Variants in DQX1 observed in about 807,000 individuals in gnomAD.
DQX1 encodes DEAQ-box RNA dependent ATPase 1.
A neutral mutation model predicts 81.3 loss-of-function variants in DQX1; 66 were observed. The observed-to-expected ratio is 0.81, with a 90% confidence interval of 0.67 to 1.00. The LOEUF (loss-of-function observed/expected upper bound fraction) is 1.00, where lower values mean the gene tolerates loss of function less well. DQX1 is among the 50% of genes least tolerant of loss of function. The pLI is 0.00. For synonymous variants in DQX1, 290 were observed against 350.0 expected, an observed-to-expected ratio of 0.83 and a Z score of 1.91; for missense variants, 798 against 867.9, an observed-to-expected ratio of 0.92 and a Z score of 1.01.
chr2:74,525,488 CA>C lies in DQX1; in HGVS notation c.237+4del. 10 of 1,551,982 alleles carry C rather than the reference CA, an allele frequency of 6.4e-6. No homozygotes were observed. Among genetic ancestry groups the C allele is most frequent in the Non-Finnish European group, 8.7e-6 (10 of 1,147,068 alleles). ...ATCTGCCTGCCCCCACAACCCCCACCACACCTGGGTGCTCTTGCCAGAACCA... is the reference window on the plus strand; with the variant it reads ...ATCTGCCTGCCCCCACAACCCCCACCCACCTGGGTGCTCTTGCCAGAACCA... On this transcript the variant is annotated splice_donor_region_variant and intron_variant, in intron 2 of 11. Coordinates refer to ENST00000404568, the MANE Select transcript of DQX1 (RefSeq NM_133637.3). This position sits in a 1 kb window ranked among gnomAD's most constrained non-coding sequence, Gnocchi z 4.1.
Position 74,519,654 on chromosome 2 carries a change from T to C in DQX1, c.1708A>G (p.Met570Val). Residue 570 changes from methionine (M) to valine (V), a missense_variant, in exon 10 of 12, where the codon ATG (methionine) becomes GTG (valine). Transcript: ENST00000404568. ...HKLRGELLEL[M>V]QRIELPLSLP... Reference sequence around the variant, plus strand: ...GACAAGGGAAGTTCAATTCGTTGCATGAGTTCTAGGAGTTCTCCCCGAAGT... The same window carrying C: ...GACAAGGGAAGTTCAATTCGTTGCACGAGTTCTAGGAGTTCTCCCCGAAGT... 6.2e-7 allele frequency: 1 copy of C among 1,614,240 alleles called. No homozygotes were observed. Among genetic ancestry groups the C allele is most frequent in the Non-Finnish European group, 8.5e-7 (1 of 1,180,054 alleles).
Position 74,519,936 on chromosome 2 carries a change from C to T in DQX1, c.1594G>A (p.Val532Met), listed in dbSNP as rs1674982876. ...TCACTTTGTATAAAGGCTTCATACA[C>T]CTGGATCAGAGAACTGTGGTCACCA... The part of the protein sequence containing the change: ...TDGDHSSLIQ[V>M]YEAFIQSGAD... Residue 532 changes from valine to methionine, a missense_variant, in exon 9 of 12, where the codon GTG (valine) becomes ATG (methionine). Coordinates refer to ENST00000404568, the MANE Select transcript of DQX1 (RefSeq NM_133637.3). 3 of 1,614,228 alleles carry T rather than the reference C, an allele frequency of 1.9e-6. No individual in the cohort carries two copies. Among genetic ancestry groups the T allele is most frequent in the East Asian group, 2.2e-5 (1 of 44,886 alleles).
chr2:74,525,311 T>A lies in DQX1; in HGVS notation c.238-109A>T. On this transcript the variant is annotated intron_variant, in intron 2 of 11. Transcript: ENST00000404568. This position sits in a 1 kb window ranked among gnomAD's most constrained non-coding sequence, Gnocchi z 4.1. ...ATCTTTCCTTATTTGGGGAGTCCCC[T>A]GGTCTTTCACCAGCCTCCAGGGCCA... The A allele has an allele frequency of 1.5e-6, 2 of 1,343,218 alleles. No homozygotes were observed. The highest frequency in any genetic ancestry group is 3.0e-5 in the South Asian group (2 of 66,008). The allele number at this position is 1,343,218 out of a possible 1,614,324, so 83.2% of individuals were successfully genotyped here.
intron 8 of DQX1, 82 bp from the exon 9 acceptor site, chr2:74,520,116 C>T (rs934717061): frequency 2.0e-6 from 3 of 1,533,762 alleles, no homozygotes; most frequent in Non-Finnish European, 2.6e-6. Context: ...GCTGAAAAGG[C>T]AGAAGTGTCC....
rs759836031 is a variant in DQX1 at position 74,519,215 on chromosome 2, CTG to C, written c.1820_1821del (p.Thr607ArgfsTer12). 7.0e-6 allele frequency: 11 copies of C among 1,569,238 alleles called. No homozygotes were observed. In the African/African-American group the frequency reaches 1.5e-4, roughly 21 times the overall value. On this transcript the variant is annotated frameshift_variant, in exon 11 of 12. Transcript: ENST00000404568. LOFTEE classifies it high-confidence loss of function. ...AGGAGAAGGTAATTTCCAGTCCCGTCTGTGTCTCTGGCCACCTTATTGAAAGG... is the reference window on the plus strand; with the variant it reads ...AGGAGAAGGTAATTTCCAGTCCCGTCTGTCTCTGGCCACCTTATTGAAAGG... ...SGYFLKVARD[T>X]DGTGNYLLLT...
chr2:74,518,548 G>C lies in DQX1; in HGVS notation c.2052C>G (p.Ser684Arg). 1 of 1,614,162 alleles carries C rather than the reference G, an allele frequency of 6.2e-7. No homozygotes were observed. Among genetic ancestry groups the C allele is most frequent in the East Asian group, 2.2e-5 (1 of 44,888 alleles). The change falls in exon 12 of 12, where the codon AGC becomes AGG. Residue 684 changes from serine (S) to arginine (R), a missense_variant. By Grantham distance (110) the Ser-to-Arg change is moderately radical. Transcript: ENST00000404568. ...CCCTTAGCTGGTTCAGAAGGTCTCT[G>C]CTCTCACTGGGAGGCAAGTTACTCA... ...YFLSNLPPSE[S>R]RDLLNQLREG...
Position 74,523,396 on chromosome 2 carries a change from C to T in DQX1, c.958G>A (p.Val320Ile), listed in dbSNP as rs767012140. 15 of 1,614,064 alleles carry T rather than the reference C, an allele frequency of 9.3e-6. No individual in the cohort carries two copies. Among genetic ancestry groups the T allele is most frequent in the Non-Finnish European group, 1.3e-5 (15 of 1,180,044 alleles). ...TCAGCCAGCCAGTGAGTGACCACAA[C>T]CTTTCGGGCATCCATGTCCTCATAC... ...AVYEDMDARK[V>I]VVTHWLADFS... Residue 320 changes from valine to isoleucine, a missense_variant, in exon 5 of 12, where the codon GTT becomes ATT. Physicochemically the swap from Val to Ile is conservative, Grantham distance 29 (BLOSUM62 3). Transcript: ENST00000404568.
At chr2:74,520,894 A>G (rs1389985862) in intron 8 of DQX1, among the ~76,000 whole-genome samples, 1 of 152,108 alleles carries the variant, frequency 6.6e-6, no homozygotes, top group Non-Finnish European at 1.5e-5. Flanking sequence ...GCTGGTCTCA[A>G]ACTCCTGACC....
In DQX1 at chr2:74,525,596, A is replaced by G. The variant is rs1675155568; in HGVS notation, c.134T>C (p.Leu45Ser). ...YYELLKQRQA[L>S]PIWAARFTFL... Reference sequence around the variant, plus strand: ...GGTAAAGCGAGCAGCCCAGATGGGCAAGGCTTGGCGCTGCTTCAGCAGCTC... The same window carrying G: ...GGTAAAGCGAGCAGCCCAGATGGGCGAGGCTTGGCGCTGCTTCAGCAGCTC... The change falls in exon 2 of 12, where the codon TTG (leucine) becomes TCG (serine). Residue 45 changes from leucine to serine, a missense_variant. Leu to Ser is a moderately radical substitution (Grantham distance 145, BLOSUM62 -2). Transcript: ENST00000404568. This position sits in a 1 kb window ranked among gnomAD's most constrained non-coding sequence, Gnocchi z 4.1. The G allele has an allele frequency of 6.4e-7, 1 of 1,551,910 alleles. No individual in the cohort carries two copies. Among genetic ancestry groups the G allele is most frequent in the Non-Finnish European group, 8.7e-7 (1 of 1,147,072 alleles).
At position 74,523,291 on chromosome 2, in the gene DQX1, ATC is replaced by A. The variant is rs770233601; in HGVS notation, c.1044+17_1044+18del. On this transcript the variant is annotated intron_variant, in intron 5 of 11. Coordinates refer to ENST00000404568, the MANE Select transcript of DQX1 (RefSeq NM_133637.3). ...TTTCTGTCTTTACTACCCCACCGCT[ATC>A]TCTCTCTCTCACTCACACTTCGGAG... 5 of 1,613,406 alleles carry A rather than the reference ATC, an allele frequency of 3.1e-6. No individual in the cohort carries two copies. The highest frequency in any genetic ancestry group is 1.3e-5 in the African/African-American group (1 of 74,940).
intron 3 of DQX1, among the ~76,000 whole-genome samples, 167 bp downstream of exon 3, chr2:74,524,842 C>T (rs555545347): frequency 2.0e-5 from 3 of 152,248 alleles, no homozygotes; most frequent in Admixed American, 2.0e-4. Context: ...GTGATTGCAC[C>T]ACTGCACTCC....
chr2:74,521,889 G>GAA (rs1675039697), intron 8 of DQX1, among the ~76,000 whole-genome samples: 2 of 152,086 alleles, frequency 1.3e-5, no homozygotes, highest in African/African-American at 4.8e-5. Flanking sequence ...ACAAGGTTTG[G>GAA]AAATTTTAAG....
In DQX1 at chr2:74,518,587, G is replaced by C; in HGVS notation, c.2013C>G (p.Ala671=). The C allele has an allele frequency of 6.2e-7, 1 of 1,614,012 alleles. No homozygotes were observed. The highest frequency in any genetic ancestry group is 8.5e-7 in the Non-Finnish European group (1 of 1,179,970). Residue 671 remains alanine (A), a synonymous_variant, in exon 12 of 12, where the codon GCC becomes GCG. Transcript: ENST00000404568. The part of the protein sequence containing the change: ...EIQPQMLVEL[A]PPYFLSNLPP... ...GCAAGTTACTCAGGAAGTATGGAGGGGCCAATTCCACCAGCCTAATAGAGA... is the reference window on the plus strand; with the variant it reads ...GCAAGTTACTCAGGAAGTATGGAGGCGCCAATTCCACCAGCCTAATAGAGA...
Position 74,524,224 on chromosome 2 carries a change from G to C in DQX1, c.515C>G (p.Ala172Gly). 1 of 1,614,102 alleles carries C rather than the reference G, an allele frequency of 6.2e-7. No individual in the cohort carries two copies. Among genetic ancestry groups the C allele is most frequent in the Non-Finnish European group, 8.5e-7 (1 of 1,180,016 alleles). ...GAWGVLVLDE[A>G]QERSVASDSL... is the part of the protein sequence containing the mutation. ...ATCTGATGCCACCGACCGCTCCTGA[G>C]CCTCATCTAGTACCAGCACGCCCCA... The change falls in exon 4 of 12, where the codon GCT becomes GGT. Residue 172 changes from alanine to glycine, a missense_variant. Physicochemically the swap from Ala to Gly is moderately conservative, Grantham distance 60 (BLOSUM62 0). Transcript: ENST00000404568.
chr2:74,519,472 C>G (rs984295245), intron 10 of DQX1, 84 bp downstream of exon 10: 26 of 1,528,844 alleles, frequency 1.7e-5, no homozygotes, highest in Non-Finnish European at 2.2e-5. Context: ...CCACCTGGAC[C>G]CTGATTTCAA....
chr2:74,519,678 G>A lies in DQX1; in HGVS notation c.1684C>T (p.Leu562Phe), dbSNP rs751937661. 5 of 1,614,198 alleles carry A rather than the reference G, an allele frequency of 3.1e-6. No homozygotes were observed. The highest frequency in any genetic ancestry group is 2.2e-5 in the East Asian group (1 of 44,888). Residue 562 changes from leucine (L) to phenylalanine (F), a missense_variant, in exon 10 of 12, where the codon CTT (leucine) becomes TTT (phenylalanine). Physicochemically the swap from Leu to Phe is conservative, Grantham distance 22. Coordinates refer to ENST00000404568, the MANE Select transcript of DQX1 (RefSeq NM_133637.3). The stretch of plus-strand genomic sequence containing the variant: ...ATGAGTTCTAGGAGTTCTCCCCGAA[G>A]TTTATGGGCTTGGCACAATGCTGCC... Reference protein sequence around the residue: ...NWAALCQAHKLRGELLELMQR... With the variant: ...NWAALCQAHKFRGELLELMQR...
In DQX1 at chr2:74,525,576, A is replaced by G. The variant is rs184153786; in HGVS notation, c.154T>C (p.Phe52Leu). The G allele has an allele frequency of 1.3e-4, 202 of 1,552,108 alleles. No homozygotes were observed. In the East Asian group the frequency reaches 4.6e-3, roughly 35 times the overall value. The change falls in exon 2 of 12, where the codon TTT becomes CTT. Residue 52 changes from phenylalanine (F) to leucine (L), a missense_variant. By Grantham distance (22) the Phe-to-Leu change is conservative. Transcript: ENST00000404568. The surrounding 1 kb of genome is among the most constrained non-coding windows in gnomAD (Gnocchi z 4.1). The part of the protein sequence containing the change: ...RQALPIWAAR[F>L]TFLEQLESNP... ...CTCTCCAACTGCTCCAAGAAGGTAA[A>G]GCGAGCAGCCCAGATGGGCAAGGCT...
chr2:74,525,500 C>A lies in DQX1; in HGVS notation c.230G>T (p.Ser77Ile). ...CCACAACCCCCACCACACCTGGGTG[C>A]TCTTGCCAGAACCAGGCTCCCCAGA... is the stretch of plus-strand genomic sequence containing the variant. Reference protein sequence around the residue: ...LVSGEPGSGKSTQIPQWCAEF... With the variant: ...LVSGEPGSGKITQIPQWCAEF... Residue 77 changes from serine to isoleucine, a missense_variant, in exon 2 of 12, where the codon AGC becomes ATC. Physicochemically the swap from Ser to Ile is moderately radical, Grantham distance 142. Transcript: ENST00000404568. The surrounding 1 kb of genome is among the most constrained non-coding windows in gnomAD (Gnocchi z 4.1). 1.3e-6 allele frequency: 2 copies of A among 1,552,198 alleles called. No individual in the cohort carries two copies. Among genetic ancestry groups the A allele is most frequent in the Non-Finnish European group, 1.7e-6 (2 of 1,147,182 alleles).
In DQX1 at chr2:74,525,069, C is replaced by G. The variant is rs746750051; in HGVS notation, c.371G>C (p.Gly124Ala). The change falls in exon 3 of 12, where the codon GGT becomes GCT. Residue 124 changes from glycine (G) to alanine (A), a missense_variant. Coordinates refer to ENST00000404568, the MANE Select transcript of DQX1 (RefSeq NM_133637.3). The surrounding 1 kb of genome is among the most constrained non-coding windows in gnomAD (Gnocchi z 4.1). ...GGGGATGCTGTATCCAACCTCATGA[C>G]CCAGGGTCAGGTCCATCTCATCAGC... ...RVADEMDLTL[G>A]HEVGYSIPQE... 1.1e-5 allele frequency: 17 copies of G among 1,614,014 alleles called. No homozygotes were observed. Among genetic ancestry groups the G allele is most frequent in the South Asian group, 6.6e-5 (6 of 91,080 alleles).
Sources: gnomAD v4.1 joint callset for allele counts (sites outside exome capture counted in the v4.1 genomes callset) on GRCh38, gnomAD v4.1.1 for gene constraint, Gnocchi (gnomAD v3.1) non-coding constraint, MANE v1.5 for transcripts, NCBI Gene and HGNC (gene_info 2026-07-23, HGNC 2026-07-21) for gene names.